CDH4: variants seen among roughly 807,000 people sequenced by gnomAD.
CDH4 encodes the protein cadherin 4.
In CDH4, 33 loss-of-function variants were observed where a neutral mutation model predicts 86.0. The ratio of observed to expected loss-of-function variants is 0.38; its 90% confidence interval spans 0.29 to 0.51. The LOEUF (loss-of-function observed/expected upper bound fraction) is 0.51. CDH4 is among the 20% of genes least tolerant of loss of function. CDH4 has a pLI of 0.86. For synonymous variants in CDH4, 555 were observed against 549.4 expected, an observed-to-expected ratio of 1.01 and a Z score of -0.14; for missense variants, 1,114 against 1,307.4, an observed-to-expected ratio of 0.85 and a Z score of 2.28.
At chr20:61,878,066 G>GCCT (rs1187377882) in intron 7 of CDH4, among the ~76,000 whole-genome samples, 1 of 152,096 alleles carries the variant, frequency 6.6e-6, no homozygotes, top group African/African-American at 2.4e-5. Flanking sequence ...ACAGGCCCTG[G>GCCT]CCTGCGTGAG....
intron 2 of CDH4, among the ~76,000 whole-genome samples, chr20:61,558,361 C>G (rs1251269609): frequency 6.6e-6 from 1 of 152,168 alleles, no homozygotes; most frequent in East Asian, 1.9e-4. Flanking sequence ...TTCCATCCCC[C>G]TTACTCATGC....
chr20:61,261,467 G>A (rs535180678), intron 2 of CDH4, among the ~76,000 whole-genome samples: 1 of 152,322 alleles, frequency 6.6e-6, no homozygotes, highest in East Asian at 1.9e-4. Context: ...ATAACATTAT[G>A]TTCTGTCCAG....
intron 2 of CDH4, among the ~76,000 whole-genome samples, chr20:61,632,281 T>G (rs1600823304): frequency 6.6e-6 from 1 of 152,120 alleles, no homozygotes; most frequent in Admixed American, 6.5e-5. Flanking sequence ...GAAATTCAGT[T>G]GGAGGCCTTG....
chr20:61,258,347 A>G (rs1314428494), intron 2 of CDH4, among the ~76,000 whole-genome samples: 1 of 109,920 alleles, frequency 9.1e-6, no homozygotes, highest in African/African-American at 3.7e-5. Context: ...AAAAAAAAAG[A>G]AAAAAAAAAA....
intron 4 of CDH4, among the ~76,000 whole-genome samples, chr20:61,842,537 T>G (rs991458336): frequency 3.3e-5 from 5 of 152,250 alleles, no homozygotes; most frequent in African/African-American, 1.2e-4. Context: ...TAGTCAAGTT[T>G]TAAATTGTAT....
intron 4 of CDH4, among the ~76,000 whole-genome samples, chr20:61,797,864 C>T (rs944410288): frequency 2.0e-5 from 3 of 152,196 alleles, no homozygotes; most frequent in South Asian, 2.1e-4. Context: ...GCGGAGAGAT[C>T]GGCATCTTTT....
intron 2 of CDH4, among the ~76,000 whole-genome samples, chr20:61,390,790 C>T (rs1183473288): frequency 1.3e-5 from 2 of 150,670 alleles, no homozygotes; most frequent in Non-Finnish European, 3.0e-5. Context: ...TGAGATCGTG[C>T]AGTCATAGGG....
intron 12 of CDH4, 29 bp from the exon 13 acceptor site, chr20:61,929,580 G>T: frequency 6.4e-7 from 1 of 1,564,272 alleles, no homozygotes; most frequent in African/African-American, 1.3e-5. Context: ...CCGGGCTCTG[G>T]TTGAATGTTT....
At chr20:61,592,905 G>A (rs1372439317) in intron 2 of CDH4, among the ~76,000 whole-genome samples, 1 of 152,182 alleles carries the variant, frequency 6.6e-6, no homozygotes, top group Non-Finnish European at 1.5e-5. Flanking sequence ...CATGTGATGT[G>A]GCAAAGGGAC....
At chr20:61,526,898 G>A (rs6121666) in intron 2 of CDH4, among the ~76,000 whole-genome samples, 8,778 of 152,192 alleles carry the variant, frequency 0.058, 302 homozygotes, top group Middle Eastern at 0.092. Flanking sequence ...CAAATGTAAC[G>A]TTCTAATCTA....
intron 2 of CDH4, among the ~76,000 whole-genome samples, chr20:61,339,785 G>A (rs2084640247): frequency 6.6e-6 from 1 of 152,250 alleles, no homozygotes; most frequent in Non-Finnish European, 1.5e-5. Context: ...GCATCGCTGG[G>A]GATTGGAAGT....
intron 1 of CDH4, 51 bp from the exon 2 acceptor site, chr20:61,254,775 A>G (rs1386138178): frequency 1.7e-6 from 2 of 1,201,242 alleles, no homozygotes; most frequent in Non-Finnish European, 2.5e-6. Flanking sequence ...TGTTGGTTGG[A>G]TTAAATTTCT....
chr20:61,495,682 C>T (rs1260725363), intron 2 of CDH4, among the ~76,000 whole-genome samples: 1 of 152,026 alleles, frequency 6.6e-6, no homozygotes, highest in East Asian at 1.9e-4. Flanking sequence ...GCAGGTGGAT[C>T]GCCTAAGGTC....
chr20:61,587,928 G>A (rs2086490537), intron 2 of CDH4, among the ~76,000 whole-genome samples: 1 of 152,174 alleles, frequency 6.6e-6, no homozygotes, highest in Admixed American at 6.5e-5. Context: ...TCACCTCGGA[G>A]TCAACCGGCG....
chr20:61,555,954 G>A lies in CDH4; in HGVS notation c.170-187609G>A, dbSNP rs116454800. On this transcript the variant is annotated intron_variant, in intron 2 of 15. Coordinates refer to ENST00000614565, the MANE Select transcript of CDH4 (RefSeq NM_001794.5). Reference sequence around the variant, plus strand: ...TAAAGATTGATTCTACATTAAAAATGGTATTAAAGAAAGACAGCACATTGT... The same window carrying A: ...TAAAGATTGATTCTACATTAAAAATAGTATTAAAGAAAGACAGCACATTGT... 9.2e-3 allele frequency among the ~76,000 whole-genome samples: 1,396 copies of A among 152,308 alleles called. 8 individuals are homozygous for A. The highest frequency in any genetic ancestry group is 0.02 in the Middle Eastern group (6 of 294).
chr20:61,910,154 CTGTT>C lies in CDH4; in HGVS notation c.1189-264_1189-261del, dbSNP rs1239405824. 9.9e-5 allele frequency among the ~76,000 whole-genome samples: 15 copies of C among 152,280 alleles called. No individual in the cohort carries two copies. The East Asian group carries it at 2.3e-3, about 24-fold the overall frequency. ...TTGAGCTGGGCTGACACGGTGTGCT[CTGTT>C]TGTGAACACTCCTTGAGCTGGGCTG... On this transcript the variant is annotated intron_variant, in intron 8 of 15. Coordinates refer to ENST00000614565, the MANE Select transcript of CDH4 (RefSeq NM_001794.5).
chr20:61,383,355 ATG>A (rs1239147306), intron 2 of CDH4, among the ~76,000 whole-genome samples: 1 of 59,970 alleles, frequency 1.7e-5, no homozygotes, highest in Non-Finnish European at 2.9e-5. Flanking sequence ...ATGAATATAT[ATG>A]GATATATATG....
chr20:61,362,211 A>AG (rs1457968005), intron 2 of CDH4, among the ~76,000 whole-genome samples: 1 of 151,028 alleles, frequency 6.6e-6, no homozygotes, highest in Admixed American at 6.6e-5. Context: ...AAAGCCTGGC[A>AG]GGGGGGGATG....
At chr20:61,698,636 C>G (rs1332244134) in intron 2 of CDH4, among the ~76,000 whole-genome samples, 1 of 152,254 alleles carries the variant, frequency 6.6e-6, no homozygotes, top group East Asian at 1.9e-4. Context: ...ACGCTAGAGC[C>G]TGTCTCCAGC....
Sources: allele counts gnomAD v4.1 joint callset (sites outside exome capture counted in the v4.1 genomes callset), GRCh38; gene constraint gnomAD v4.1.1; transcripts MANE v1.5; gene names NCBI Gene and HGNC (gene_info 2026-07-23, HGNC 2026-07-21).